DMBT1: variants seen among roughly 807,000 people sequenced by gnomAD.
DMBT1 encodes the protein deleted in malignant brain tumors 1.
Under a neutral mutation model 252.9 loss-of-function variants are expected in DMBT1, and 198 were observed. That is an observed-to-expected ratio of 0.78 (90% CI 0.70 to 0.88). The LOEUF (loss-of-function observed/expected upper bound fraction) is 0.88, where lower values mean the gene tolerates loss of function less well. Among genes scored for constraint, DMBT1 ranks in the 40% least tolerant of loss-of-function variants. The pLI, the probability that DMBT1 is intolerant of heterozygous loss-of-function variation, is 0.00. For synonymous variants in DMBT1, 990 were observed against 942.7 expected (o/e 1.05, Z -0.92); for missense variants, 2,432 against 2,404.7 (o/e 1.01, Z -0.24).
At chr10:122,641,777 G>A (rs1257618975) in intron 55 of DMBT1, among the ~76,000 whole-genome samples, 5 of 152,186 alleles carry the variant, frequency 3.3e-5, no homozygotes, top group Non-Finnish European at 7.3e-5. Flanking sequence ...ACGGGGATGT[G>A]TGTGCAGGGG....
intron 14 of DMBT1, 132 bp from the exon 15 acceptor site, chr10:122,585,139 A>G: frequency 3.3e-6 from 4 of 1,228,312 alleles, no homozygotes; most frequent in Non-Finnish European, 4.7e-6. Context: ...TTGGGCAGAC[A>G]CATGGGGAGC....
In DMBT1 at chr10:122,560,785, A is replaced by G. The variant is rs150642921; in HGVS notation, c.15A>G (p.Thr5=). 279 of 1,573,814 alleles carry G rather than the reference A, an allele frequency of 1.8e-4. No homozygotes were observed. In the African/African-American group the frequency reaches 3.0e-3, roughly 17 times the overall value. The change falls in exon 1 of 56, where the codon ACA becomes ACG. Residue 5 remains threonine (T), a synonymous_variant. Transcript: ENST00000338354. ...AACCCAGCAAAATGGGGATCTCCAC[A>G]GTCATCCTTGAAATGTGTCTTTTAT... is the stretch of plus-strand genomic sequence containing the variant. MGIS[T]VILEMCLLWG...
Position 122,586,250 on chromosome 10 carries a change from T to C in DMBT1, c.1650T>C (p.Gly550=), listed in dbSNP as rs1165907563. Residue 550 remains glycine, a synonymous_variant, in exon 16 of 56, where the codon GGT becomes GGC. Transcript: ENST00000338354. ...TGGCCCCAGGAAATGCCCGGTTTGG[T>C]CAGGGCTCAGGACCCATTGTCCTGG... ...AMLAPGNARF[G]QGSGPIVLDD... 5.7e-6 allele frequency: 9 copies of C among 1,588,578 alleles called. 2 individuals are homozygous for C. The highest frequency in any genetic ancestry group is 2.7e-5 in the African/African-American group (2 of 74,494).
Position 122,643,586 on chromosome 10 carries a change from C to T in DMBT1, c.*188C>T. 2.4e-6 allele frequency: 2 copies of T among 830,870 alleles called. No homozygotes were observed. Among genetic ancestry groups the T allele is most frequent in the Non-Finnish European group, 3.6e-6 (2 of 548,356 alleles). 51.5% of individuals were successfully genotyped at this position (830,870 alleles called of 1,614,324 possible). ...CTCATGGTCCTTGGAGGACCCGTTG[C>T]AGGGTGAGGTCAAGAGAGTTCTGAC... On this transcript the variant is annotated 3_prime_UTR_variant, in exon 56 of 56. Transcript: ENST00000338354.
chr10:122,617,589 G>C (rs902490384), intron 40 of DMBT1, among the ~76,000 whole-genome samples: 6 of 151,630 alleles, frequency 4.0e-5, no homozygotes, highest in Admixed American at 2.6e-4. Context: ...GCAAGGGTGG[G>C]TGAAAATTTC....
At chr10:122,568,038 A>G (rs965522763) in intron 2 of DMBT1, among the ~76,000 whole-genome samples, 14 of 152,208 alleles carry the variant, frequency 9.2e-5, no homozygotes, top group African/African-American at 3.4e-4. Context: ...GGAAGAGCAG[A>G]CACTGAGGAT....
At chr10:122,573,080 T>C (rs1412499620) in intron 5 of DMBT1, among the ~76,000 whole-genome samples, 1 of 152,160 alleles carries the variant, frequency 6.6e-6, no homozygotes, top group African/African-American at 2.4e-5. Context: ...CACTGTCCCA[T>C]GGCGTGATCC....
In DMBT1 at chr10:122,590,059, C is replaced by T. The variant is rs570695221; in HGVS notation, c.2108-606C>T. Among the ~76,000 whole-genome samples, 11 of 148,372 alleles carry T rather than the reference C, an allele frequency of 7.4e-5. 3 individuals carry two copies. Among genetic ancestry groups the T allele is most frequent in the Admixed American group, 1.3e-4 (2 of 14,954 alleles). On this transcript the variant is annotated intron_variant, in intron 17 of 55. Transcript: ENST00000338354. ...GGTGTTGGGGGACGGACGATCTCAC[C>T]GGGAGGAGTCCAGAACCAAAGGCTT... is the stretch of plus-strand genomic sequence containing the variant.
chr10:122,569,787 C>G (rs531807693), intron 2 of DMBT1, among the ~76,000 whole-genome samples: 1 of 152,374 alleles, frequency 6.6e-6, no homozygotes, highest in Non-Finnish European at 1.5e-5. Flanking sequence ...ACCATCTTAT[C>G]AGGAGTATAT....
At chr10:122,628,539 G>A (rs2098134893) in intron 46 of DMBT1, among the ~76,000 whole-genome samples, 1 of 152,114 alleles carries the variant, frequency 6.6e-6, no homozygotes, top group African/African-American at 2.4e-5. Context: ...GGGAAGCTGG[G>A]GCAGGAGAAT....
At chr10:122,637,019 G>A in intron 53 of DMBT1, 109 bp from the exon 54 acceptor site, 5 of 1,056,880 alleles carry the variant, frequency 4.7e-6, no homozygotes, top group Non-Finnish European at 6.9e-6. Flanking sequence ...GACCCTCCCT[G>A]TCAGCCACCC....
At chr10:122,568,639 C>T (rs773461787) in intron 2 of DMBT1, among the ~76,000 whole-genome samples, 2 of 152,148 alleles carry the variant, frequency 1.3e-5, no homozygotes, top group Non-Finnish European at 2.9e-5. Flanking sequence ...GTGTCAGGGC[C>T]GGGTGGAGGT....
chr10:122,623,067 C>G (rs934813487), intron 44 of DMBT1, among the ~76,000 whole-genome samples: 2 of 152,306 alleles, frequency 1.3e-5, no homozygotes, highest in Middle Eastern at 3.4e-3. Flanking sequence ...ATCCATTTCT[C>G]TTTCCCTCAG....
At chr10:122,626,052 C>T (rs2098116848) in intron 46 of DMBT1, 87 bp downstream of exon 46, 12 of 1,081,070 alleles carry the variant, frequency 1.1e-5, no homozygotes, top group Non-Finnish European at 1.6e-5. Flanking sequence ...CTCTGCCCCA[C>T]CCCAGCCTTC....
At chr10:122,576,806 T>A (rs1198867708) in intron 7 of DMBT1, 84 bp downstream of exon 7, 1 of 1,555,882 alleles carries the variant, frequency 6.4e-7, no homozygotes, top group Admixed American at 1.7e-5. Flanking sequence ...GTAGGCAGAT[T>A]GCTTGAGCTC....
chr10:122,586,889 G>A lies in DMBT1; in HGVS notation c.1783+506G>A, dbSNP rs982939038. On this transcript the variant is annotated intron_variant, in intron 16 of 55. Coordinates refer to ENST00000338354, the MANE Select transcript of DMBT1 (RefSeq NM_001377530.1). ...AAGCAAGATGGCAGAAGAAGATGGG[G>A]AGGTGGCCTGGACAGAGGTCACATG... Among the ~76,000 whole-genome samples the A allele has an allele frequency of 1.1e-4, 17 of 148,352 alleles. 1 individual carries two copies. The highest frequency in any genetic ancestry group is 4.1e-4 in the African/African-American group (17 of 41,070).
intron 1 of DMBT1, among the ~76,000 whole-genome samples, chr10:122,563,802 A>G (rs2097568072): frequency 6.6e-6 from 1 of 152,182 alleles, no homozygotes; most frequent in Non-Finnish European, 1.5e-5. Flanking sequence ...CATGCTGTGG[A>G]TGAGCCTTGT....
Position 122,619,339 on chromosome 10 carries a change from T to G in DMBT1, c.5245+2T>G, listed in dbSNP as rs567444186. On this transcript the variant is annotated splice_donor_variant, in intron 42 of 55. Transcript: ENST00000338354. LOFTEE classifies it high-confidence loss of function. ...AGTCCCAGTCAACGCCCAGGCCAGG[T>G]GAGTCCCCAGCATCCTTCATCGGGA... 6.2e-7 allele frequency: 1 copy of G among 1,613,992 alleles called. No homozygotes were observed. Among genetic ancestry groups the G allele is most frequent in the Admixed American group, 1.7e-5 (1 of 60,028 alleles).
intron 55 of DMBT1, among the ~76,000 whole-genome samples, chr10:122,641,058 G>A (rs376442523): frequency 6.6e-6 from 1 of 152,208 alleles, no homozygotes; most frequent in Non-Finnish European, 1.5e-5. Context: ...GTGCACTGAA[G>A]ATGGCAGGAG....
Sources: gnomAD v4.1 joint callset for allele counts (sites outside exome capture counted in the v4.1 genomes callset) on GRCh38, gnomAD v4.1.1 for gene constraint, MANE v1.5 for transcripts, NCBI Gene and HGNC (gene_info 2026-07-23, HGNC 2026-07-21) for gene names.